PLXDC2: variants seen among roughly 807,000 people sequenced by gnomAD.
The protein encoded by PLXDC2 is plexin domain-containing protein 2.
PLXDC2 carries 40 observed loss-of-function variants against 68.9 expected under a neutral mutation model. That is an observed-to-expected ratio of 0.58 (90% CI 0.45 to 0.76). The LOEUF is 0.76. Among genes scored for constraint, PLXDC2 ranks in the 30% least tolerant of loss-of-function variants. PLXDC2 has a pLI of 0.00. For synonymous variants in PLXDC2, 243 were observed against 234.2 expected, an observed-to-expected ratio of 1.04 and a Z score of -0.34; for missense variants, 644 against 661.9, an observed-to-expected ratio of 0.97 and a Z score of 0.30.
At chr10:20,059,436 A>G (rs962956806) in intron 3 of PLXDC2, among the ~76,000 whole-genome samples, 1 of 152,248 alleles carries the variant, frequency 6.6e-6, no homozygotes, top group South Asian at 2.1e-4. Flanking sequence ...TCGCAAGTTC[A>G]TGTGCACCAC....
At chr10:19,862,297 C>T (rs1399182618) in intron 1 of PLXDC2, among the ~76,000 whole-genome samples, 1 of 152,134 alleles carries the variant, frequency 6.6e-6, no homozygotes, top group Non-Finnish European at 1.5e-5. Flanking sequence ...GTGCCCAGTT[C>T]CTCAGATACG....
chr10:20,007,549 A>T (rs1198786854), intron 2 of PLXDC2, among the ~76,000 whole-genome samples: 1 of 152,240 alleles, frequency 6.6e-6, no homozygotes, highest in Non-Finnish European at 1.5e-5. Context: ...TGGATGACTG[A>T]AGAAGGGAGG....
rs1554781447 is a variant in PLXDC2 at position 20,287,981 on chromosome 10, G to GC, written c.*8162_*8163insC. ...AAGAAATTGGGCACTTCTTGCGGCG[G>GC]GGGAGGGGGGGGGGGCGGTGGCTTT... On this transcript the variant is annotated 3_prime_UTR_variant, in exon 14 of 14. Transcript: ENST00000377252. The GC allele has an allele frequency of 1.1e-5, 1 of 93,570 alleles. No individual in the cohort carries two copies. Among genetic ancestry groups the GC allele is most frequent in the African/African-American group, 4.1e-5 (1 of 24,546 alleles). The allele number at this position is 93,570 out of a possible 1,614,324, so 5.8% of individuals were successfully genotyped here. A position where few individuals can be genotyped will look rare whatever the true frequency, so the allele number is the denominator to read the frequency against.
At chr10:20,241,945 C>A (rs977972107) in intron 12 of PLXDC2, among the ~76,000 whole-genome samples, 2 of 151,372 alleles carry the variant, frequency 1.3e-5, no homozygotes, top group Non-Finnish European at 2.9e-5. Flanking sequence ...TAGATGGATG[C>A]ATGGATGGAT....
At chr10:20,137,852 T>C (rs1275355623) in intron 4 of PLXDC2, among the ~76,000 whole-genome samples, 1 of 152,148 alleles carries the variant, frequency 6.6e-6, no homozygotes, top group Non-Finnish European at 1.5e-5. Context: ...ATTCCAAAGA[T>C]GTGCACATCA....
chr10:20,211,656 G>A lies in PLXDC2; in HGVS notation c.1062-13G>A. The A allele has an allele frequency of 3.1e-6, 5 of 1,612,778 alleles. No homozygotes were observed. The highest frequency in any genetic ancestry group is 3.4e-6 in the Non-Finnish European group (4 of 1,179,154). On this transcript the variant is annotated splice_polypyrimidine_tract_variant and intron_variant, in intron 9 of 13. Transcript: ENST00000377252. ...CCTTCCTTTTCTGAACTGCATTGTG[G>A]TCTTCTTTGAAGATGTTCCAGTGGA...
intron 7 of PLXDC2, among the ~76,000 whole-genome samples, chr10:20,171,513 A>C (rs1834446017): frequency 6.6e-6 from 1 of 152,182 alleles, no homozygotes; most frequent in Admixed American, 6.6e-5. Flanking sequence ...AAACACTTCC[A>C]AGAAAGAGAG....
At chr10:19,883,507 A>G (rs976576960) in intron 1 of PLXDC2, among the ~76,000 whole-genome samples, 5 of 152,118 alleles carry the variant, frequency 3.3e-5, no homozygotes, top group South Asian at 2.1e-4. Flanking sequence ...AGGTTGCTCT[A>G]CTTCCTACAT....
At chr10:19,930,989 A>G (rs966178054) in intron 1 of PLXDC2, among the ~76,000 whole-genome samples, 19 of 151,988 alleles carry the variant, frequency 1.3e-4, no homozygotes, top group African/African-American at 4.6e-4. Flanking sequence ...GAGAGAGAGA[A>G]AGAAAGTGGA....
chr10:20,009,698 C>T (rs568781391), intron 2 of PLXDC2, among the ~76,000 whole-genome samples: 1 of 149,482 alleles, frequency 6.7e-6, no homozygotes, highest in African/African-American at 2.5e-5. Flanking sequence ...AACCAAGTCA[C>T]GAAGAAAGTG....
intron 9 of PLXDC2, among the ~76,000 whole-genome samples, chr10:20,210,752 A>T (rs995589347): frequency 1.3e-5 from 2 of 152,158 alleles, no homozygotes; most frequent in African/African-American, 4.8e-5. Flanking sequence ...TCCAGGAGAG[A>T]CCAGTGCAAG....
At chr10:19,910,689 A>G (rs1833254073) in intron 1 of PLXDC2, among the ~76,000 whole-genome samples, 1 of 145,726 alleles carries the variant, frequency 6.9e-6, no homozygotes, top group Non-Finnish European at 1.5e-5. Context: ...TTCCATGCCT[A>G]TCCCCACCAG....
rs1835315183 is a variant in PLXDC2 at position 20,021,842 on chromosome 10, G to A, written c.324+19856G>A. ...GCCTCCCAAGTAGCTGGGATTACAGGCATGCGCCACCAGGCCCAGCTAATT... is the reference window on the plus strand; with the variant it reads ...GCCTCCCAAGTAGCTGGGATTACAGACATGCGCCACCAGGCCCAGCTAATT... On this transcript the variant is annotated intron_variant, in intron 2 of 13. Coordinates refer to ENST00000377252, the MANE Select transcript of PLXDC2 (RefSeq NM_032812.9). Among the ~76,000 whole-genome samples the A allele has an allele frequency of 2.0e-5, 3 of 152,054 alleles. No individual in the cohort carries two copies. In the South Asian group the frequency reaches 6.2e-4, roughly 31 times the overall value.
chr10:19,889,218 A>G (rs2131358153), intron 1 of PLXDC2, among the ~76,000 whole-genome samples: 1 of 152,110 alleles, frequency 6.6e-6, no homozygotes, highest in East Asian at 1.9e-4. Flanking sequence ...ATATATATAT[A>G]TAAAATTATT....
At chr10:20,025,950 A>T (rs573341777) in intron 2 of PLXDC2, among the ~76,000 whole-genome samples, 151 of 152,192 alleles carry the variant, frequency 9.9e-4, no homozygotes, top group African/African-American at 3.4e-3. Context: ...CACATTACAG[A>T]TTAGTGAAAA....
rs143614447 is a variant in PLXDC2 at position 19,834,581 on chromosome 10, T to C, written c.112+17390T>C. ...TTAATATTATCAGACATTAGTAACT[T>C]TTCAAGCTTCCCAAATTATCTAATT... On this transcript the variant is annotated intron_variant, in intron 1 of 13. Transcript: ENST00000377252. Among the ~76,000 whole-genome samples the C allele has an allele frequency of 5.7e-3, 871 of 152,324 alleles. 45 individuals carry two copies. The highest frequency in any genetic ancestry group is 0.052 in the Admixed American group (793 of 15,302).
chr10:20,017,690 T>C (rs1045783073), intron 2 of PLXDC2, among the ~76,000 whole-genome samples: 2 of 152,264 alleles, frequency 1.3e-5, no homozygotes, highest in Admixed American at 1.3e-4. Context: ...CCTGAGTTCA[T>C]GAAAGTTAAC....
intron 1 of PLXDC2, among the ~76,000 whole-genome samples, chr10:19,932,798 A>G (rs73603674): frequency 0.033 from 4,999 of 152,286 alleles, 282 homozygotes; most frequent in African/African-American, 0.11. Context: ...ACACTTTCCA[A>G]ACCAAATGTT....
Position 20,202,375 on chromosome 10 carries a change from A to G in PLXDC2, c.1062-9294A>G, listed in dbSNP as rs1400546040. On this transcript the variant is annotated intron_variant, in intron 9 of 13. Transcript: ENST00000377252. ...AGAAATCTCATACTTTATGTTGCCA[A>G]TGCATTTCCATCCACCTGATGCAGG... Among the ~76,000 whole-genome samples, 3 of 152,182 alleles carry G rather than the reference A, an allele frequency of 2.0e-5. No individual in the cohort carries two copies. In the South Asian group the frequency reaches 6.2e-4, roughly 31 times the overall value.
Sources: gnomAD v4.1 joint callset for allele counts (sites outside exome capture counted in the v4.1 genomes callset) on GRCh38, gnomAD v4.1.1 for gene constraint, MANE v1.5 for transcripts, NCBI Gene and HGNC (gene_info 2026-07-23, HGNC 2026-07-21) for gene names.